SPDYA: variants seen among roughly 807,000 people sequenced by gnomAD.
The protein encoded by SPDYA is speedy protein A.
SPDYA carries 11 observed loss-of-function variants against 36.7 expected under a neutral mutation model. The ratio of observed to expected loss-of-function variants is 0.30; its 90% confidence interval spans 0.19 to 0.50. SPDYA has a LOEUF of 0.50. Ranked by LOEUF, SPDYA falls within the 20% of genes least tolerant of loss-of-function variation. The pLI is 0.98. For synonymous variants in SPDYA, 115 were observed against 118.7 expected (o/e 0.97, Z 0.20); for missense variants, 287 against 370.9 (o/e 0.77, Z 1.86).
Position 28,849,911 on chromosome 2 carries a change from T to C in SPDYA, c.912T>C (p.Ser304=). The change falls in exon 8 of 8, where the codon TCT becomes TCC. Residue 304 remains serine, a synonymous_variant. Transcript: ENST00000334056. ...CTAATTTCTTGAAGAAAGACAAATC[T>C]ATGGAGTGGTTTACAGGAAGTGAAG... The part of the protein sequence containing the change: ...KKTNFLKKDK[S]MEWFTGSEE The C allele has an allele frequency of 1.3e-6, 2 of 1,596,086 alleles. No individual in the cohort carries two copies. Among genetic ancestry groups the C allele is most frequent in the Non-Finnish European group, 1.7e-6 (2 of 1,175,042 alleles).
At position 28,850,430 on chromosome 2, in the gene SPDYA, A is replaced by G; in HGVS notation, c.*489A>G. 1 of 1,400,902 alleles carries G rather than the reference A, an allele frequency of 7.1e-7. No homozygotes were observed. The highest frequency in any genetic ancestry group is 2.1e-4 in the Middle Eastern group (1 of 4,654). 86.8% of individuals were successfully genotyped at this position (1,400,902 alleles called of 1,614,324 possible). ...TCTGTTGTAAAAAAATATATGTACT[A>G]TAAGCTACATAAAATATTTTCTATT... On this transcript the variant is annotated 3_prime_UTR_variant, in exon 8 of 8. Coordinates refer to ENST00000334056, the MANE Select transcript of SPDYA (RefSeq NM_182756.4).
At chr2:28,818,159 C>T (rs1463210340) in intron 3 of SPDYA, among the ~76,000 whole-genome samples, 2 of 151,946 alleles carry the variant, frequency 1.3e-5, no homozygotes, top group African/African-American at 4.8e-5. Context: ...AAGTGAGACC[C>T]TGTTTAAAAA....
chr2:28,827,143 T>C (rs1668348325), intron 5 of SPDYA, among the ~76,000 whole-genome samples: 1 of 151,854 alleles, frequency 6.6e-6, no homozygotes, highest in African/African-American at 2.4e-5. Flanking sequence ...GGTTTCACCG[T>C]GTTAGCCAGG....
At position 28,822,816 on chromosome 2, in the gene SPDYA, C is replaced by T. The variant is rs553428505; in HGVS notation, c.380+406C>T. 4.1e-4 allele frequency among the ~76,000 whole-genome samples: 63 copies of T among 152,082 alleles called. 1 individual carries two copies. Among genetic ancestry groups the T allele is most frequent in the Non-Finnish European group, 7.2e-4 (49 of 68,026 alleles). On this transcript the variant is annotated intron_variant, in intron 5 of 7. Transcript: ENST00000334056. ...AGAGACGGGGTTTCACCATGTTGGC[C>T]AGGATGGTCTTGATCTCCTGACCTC...
rs1220189690 is a variant in SPDYA, at chr2:28,843,593, G to A, written c.850+3124G>A. Among the ~76,000 whole-genome samples the A allele has an allele frequency of 5.3e-5, 8 of 149,778 alleles. No individual in the cohort carries two copies. The East Asian group carries it at 1.6e-3, about 29-fold the overall frequency. ...TTGACTTTTGGGAAAGATAGATGAA[G>A]CATTCTTTTTTTTTTAGATGAAGCA... On this transcript the variant is annotated intron_variant, in intron 7 of 7. Transcript: ENST00000334056.
At chr2:28,825,627 T>A (rs554956111) in intron 5 of SPDYA, among the ~76,000 whole-genome samples, 1 of 152,338 alleles carries the variant, frequency 6.6e-6, no homozygotes, top group Non-Finnish European at 1.5e-5. Context: ...ACATTACCTT[T>A]CACAATTATT....
intron 6 of SPDYA, among the ~76,000 whole-genome samples, chr2:28,833,993 C>T (rs200566236): frequency 6.6e-6 from 1 of 151,580 alleles, no homozygotes; most frequent in African/African-American, 2.4e-5. Context: ...AAGAGCTTTA[C>T]AACTTAATAA....
chr2:28,823,748 A>ATTT (rs752026715), intron 5 of SPDYA, among the ~76,000 whole-genome samples: 1 of 48,254 alleles, frequency 2.1e-5, no homozygotes, highest in African/African-American at 8.1e-5. Context: ...TATATATAAA[A>ATTT]TTTTTTTTTT....
intron 6 of SPDYA, among the ~76,000 whole-genome samples, chr2:28,836,164 A>G (rs905492257): frequency 6.6e-6 from 1 of 152,214 alleles, no homozygotes; most frequent in African/African-American, 2.4e-5. Flanking sequence ...TGGCATCCTC[A>G]TTTCACAGCT....
At chr2:28,824,248 C>T (rs565729221) in intron 5 of SPDYA, among the ~76,000 whole-genome samples, 30 of 151,694 alleles carry the variant, frequency 2.0e-4, no homozygotes, top group Middle Eastern at 3.4e-3. Flanking sequence ...GAGGCTGGGG[C>T]GGAAGGATTG....
intron 5 of SPDYA, among the ~76,000 whole-genome samples, chr2:28,824,321 A>T (rs1283016826): frequency 1.3e-5 from 2 of 151,632 alleles, no homozygotes; most frequent in Non-Finnish European, 2.9e-5. Flanking sequence ...AAATAAAAAT[A>T]AAAAAATTAG....
chr2:28,841,154 G>A (rs571870885), intron 7 of SPDYA, among the ~76,000 whole-genome samples: 7 of 151,990 alleles, frequency 4.6e-5, no homozygotes, highest in South Asian at 2.1e-4. Context: ...GGCCGGTCTC[G>A]AACTCCTGGC....
intron 6 of SPDYA, among the ~76,000 whole-genome samples, chr2:28,831,198 A>C (rs1477969532): frequency 6.6e-6 from 1 of 152,104 alleles, no homozygotes; most frequent in Admixed American, 6.6e-5. Flanking sequence ...CTCCACAAAA[A>C]ATACAAAAAA....
At position 28,811,689 on chromosome 2, in the gene SPDYA, G is replaced by A. The variant is rs1667849357; in HGVS notation, c.-93+742G>A. ...AAAAAAAAATTAACCGGGCATGGTG[G>A]TGCGCACTTGTAATCCCAGCTACTT... On this transcript the variant is annotated intron_variant, in intron 1 of 7. Transcript: ENST00000334056. The surrounding 1 kb of genome is among the most constrained non-coding windows in gnomAD (Gnocchi z 4.2). 1.3e-5 allele frequency among the ~76,000 whole-genome samples: 2 copies of A among 152,080 alleles called. No individual in the cohort carries two copies. The highest frequency in any genetic ancestry group is 2.1e-4 in the South Asian group (1 of 4,822).
At chr2:28,843,465 G>C (rs371020807) in intron 7 of SPDYA, among the ~76,000 whole-genome samples, 5 of 150,984 alleles carry the variant, frequency 3.3e-5, no homozygotes, top group African/African-American at 9.8e-5. Flanking sequence ...CAGGAGAATC[G>C]CTTGAACCTG....
Position 28,850,399 on chromosome 2 carries a change from G to A in SPDYA, c.*458G>A, listed in dbSNP as rs547801009. ...TGATCCATATGGAAAATCAGAATGC[G>A]ATTCTTCTGTTGTAAAAAAATATAT... On this transcript the variant is annotated 3_prime_UTR_variant, in exon 8 of 8. Coordinates refer to ENST00000334056, the MANE Select transcript of SPDYA (RefSeq NM_182756.4). 27 of 1,602,028 alleles carry A rather than the reference G, an allele frequency of 1.7e-5. No individual in the cohort carries two copies. The highest frequency in any genetic ancestry group is 1.2e-4 in the South Asian group (11 of 88,398).
At chr2:28,817,618 G>A (rs558642212) in intron 3 of SPDYA, among the ~76,000 whole-genome samples, 30 of 151,826 alleles carry the variant, frequency 2.0e-4, no homozygotes, top group African/African-American at 7.3e-4. Context: ...GCTCATTCCT[G>A]TAATCCCAGC....
At chr2:28,825,658 T>C (rs1365070870) in intron 5 of SPDYA, among the ~76,000 whole-genome samples, 4 of 152,190 alleles carry the variant, frequency 2.6e-5, no homozygotes, top group Non-Finnish European at 5.9e-5. Flanking sequence ...TTACTTGCCT[T>C]CTTTACTTAA....
chr2:28,833,028 G>C (rs949142475), intron 6 of SPDYA, among the ~76,000 whole-genome samples: 17 of 152,068 alleles, frequency 1.1e-4, no homozygotes, highest in Admixed American at 7.2e-4. Context: ...TAGAGATGGG[G>C]TCTCGCTATG....
Sources: allele counts gnomAD v4.1 joint callset (sites outside exome capture counted in the v4.1 genomes callset), GRCh38; gene constraint gnomAD v4.1.1; non-coding constraint Gnocchi (gnomAD v3.1); transcripts MANE v1.5; gene names NCBI Gene and HGNC (gene_info 2026-07-23, HGNC 2026-07-21).